Variants in SCFD2 observed in about 807,000 individuals in gnomAD.
SCFD2 encodes sec1 family domain containing 2.
In SCFD2, 54 loss-of-function variants were observed where a neutral mutation model predicts 58.9. The observed-to-expected ratio is 0.92, with a 90% CI of 0.74 to 1.15. The LOEUF is 1.15. SCFD2 is among the 50% of genes most tolerant of loss of function. SCFD2 has a pLI of 0.00. For missense variants in SCFD2, 805 were observed against 836.6 expected (o/e 0.96, Z 0.47); for synonymous variants, 321 against 335.9 (o/e 0.96, Z 0.49).
chr4:53,060,686 A>G (rs1723484212), intron 5 of SCFD2, among the ~76,000 whole-genome samples: 1 of 152,142 alleles, frequency 6.6e-6, no homozygotes, highest in Non-Finnish European at 1.5e-5. Flanking sequence ...AAAAATAGAG[A>G]ACAATGCCAC....
At chr4:52,884,105 C>T (rs561884608) in intron 8 of SCFD2, among the ~76,000 whole-genome samples, 1 of 152,340 alleles carries the variant, frequency 6.6e-6, no homozygotes, top group African/African-American at 2.4e-5. Flanking sequence ...CCATGTGCTC[C>T]AGCCTGGAAA....
At chr4:53,334,899 T>C (rs1733627013) in intron 2 of SCFD2, among the ~76,000 whole-genome samples, 1 of 152,116 alleles carries the variant, frequency 6.6e-6, no homozygotes, top group African/African-American at 2.4e-5. Flanking sequence ...TTCCACCTGA[T>C]GGGATGCAAT....
At chr4:53,312,507 C>A (rs1032593216) in intron 3 of SCFD2, among the ~76,000 whole-genome samples, 17 of 152,134 alleles carry the variant, frequency 1.1e-4, no homozygotes, top group African/African-American at 3.9e-4. Flanking sequence ...ACCTAGCATA[C>A]TGTAAGTTCT....
intron 5 of SCFD2, among the ~76,000 whole-genome samples, chr4:53,003,459 G>C (rs1199420921): frequency 6.6e-6 from 1 of 152,162 alleles, no homozygotes; most frequent in Non-Finnish European, 1.5e-5. Context: ...ATCATACTGG[G>C]TAATGCAGAT....
intron 4 of SCFD2, among the ~76,000 whole-genome samples, chr4:53,254,227 C>CA (rs1730512616): frequency 6.6e-6 from 1 of 152,158 alleles, no homozygotes; most frequent in Non-Finnish European, 1.5e-5. Flanking sequence ...CCTCACGTGT[C>CA]AAAAGCAGGA....
chr4:53,331,151 AC>A, intron 2 of SCFD2, among the ~76,000 whole-genome samples: 2 of 151,980 alleles, frequency 1.3e-5, no homozygotes, highest in African/African-American at 2.4e-5. Context: ...ATAATGGGAG[AC>A]TGTAACACCC....
chr4:53,255,201 A>C (rs1319754459), intron 4 of SCFD2, among the ~76,000 whole-genome samples: 1 of 146,914 alleles, frequency 6.8e-6, no homozygotes, highest in Non-Finnish European at 1.5e-5. Context: ...TTTCTTTTTT[A>C]TTTATTTATT....
At chr4:53,126,401 C>T (rs766402496) in intron 5 of SCFD2, among the ~76,000 whole-genome samples, 16 of 152,134 alleles carry the variant, frequency 1.1e-4, no homozygotes, top group South Asian at 2.1e-4. Flanking sequence ...CTGCAAACTC[C>T]GCCTCCTGGA....
chr4:53,096,088 A>T (rs1343434136), intron 5 of SCFD2, among the ~76,000 whole-genome samples: 1 of 152,168 alleles, frequency 6.6e-6, no homozygotes, highest in East Asian at 1.9e-4. Context: ...CATGGTGTAT[A>T]TGTGCCACAT....
intron 3 of SCFD2, among the ~76,000 whole-genome samples, chr4:53,280,437 G>C (rs1262969213): frequency 6.6e-6 from 1 of 151,936 alleles, no homozygotes; most frequent in African/African-American, 2.4e-5. Flanking sequence ...AATTACCTGA[G>C]CCCAGGAGAC....
intron 3 of SCFD2, among the ~76,000 whole-genome samples, chr4:53,300,562 T>C (rs1732242931): frequency 6.6e-6 from 1 of 152,022 alleles, no homozygotes; most frequent in African/African-American, 2.4e-5. Context: ...TTAACAAGGA[T>C]ACCCAGGAAT....
At chr4:52,966,122 A>G (rs571737527) in intron 5 of SCFD2, among the ~76,000 whole-genome samples, 2 of 152,306 alleles carry the variant, frequency 1.3e-5, no homozygotes, top group East Asian at 1.9e-4. Context: ...ATTTATGGAG[A>G]CACACCAGGC....
intron 3 of SCFD2, among the ~76,000 whole-genome samples, chr4:53,311,371 A>AT (rs113941658): frequency 6.7e-5 from 10 of 149,210 alleles, no homozygotes; most frequent in East Asian, 2.0e-4. Flanking sequence ...CTTAAAAAAA[A>AT]TTTTTTTTTT....
intron 5 of SCFD2, among the ~76,000 whole-genome samples, chr4:52,985,602 AC>A (rs1030150512): frequency 6.7e-6 from 1 of 148,792 alleles, no homozygotes; most frequent in Non-Finnish European, 1.5e-5. Context: ...AAGAAATCAC[AC>A]CCCCAGACGT....
chr4:53,265,330 T>C (rs1011772928), intron 4 of SCFD2: 9 of 152,210 alleles, frequency 5.9e-5, no homozygotes, highest in Non-Finnish European at 1.2e-4. Flanking sequence ...ATGTTTATTA[T>C]TATTATTACC....
chr4:52,910,892 C>T lies in SCFD2; in HGVS notation c.1708-3301G>A, dbSNP rs185228639. On this transcript the variant is annotated intron_variant, in intron 6 of 8. Coordinates refer to ENST00000401642, the MANE Select transcript of SCFD2 (RefSeq NM_152540.4). ...CCTGATGCTGCTGTGAAGAAGAGCA[C>T]GTTTGCTTCCCCTTCTGCCATGATT... Among the ~76,000 whole-genome samples, 489 of 152,216 alleles carry T rather than the reference C, an allele frequency of 3.2e-3. 3 individuals are homozygous for T. The highest frequency in any genetic ancestry group is 0.011 in the African/African-American group (473 of 41,536).
chr4:53,217,869 C>G (rs1348180415), intron 4 of SCFD2, among the ~76,000 whole-genome samples: 1 of 152,168 alleles, frequency 6.6e-6, no homozygotes, highest in African/African-American at 2.4e-5. Flanking sequence ...ATTTGCTTGT[C>G]TGTAAAGGAT....
At chr4:53,155,976 C>G (rs956643631) in intron 4 of SCFD2, among the ~76,000 whole-genome samples, 4 of 152,192 alleles carry the variant, frequency 2.6e-5, no homozygotes, top group African/African-American at 9.7e-5. Context: ...GGTAACAACA[C>G]AGATAAAGGC....
rs185339459 is a variant in SCFD2 at position 53,171,084 on chromosome 4, A to C, written c.1312-25502T>G. Among the ~76,000 whole-genome samples the C allele has an allele frequency of 3.1e-3, 477 of 152,272 alleles. 2 individuals carry two copies. The highest frequency in any genetic ancestry group is 3.8e-3 in the Non-Finnish European group (260 of 68,002). On this transcript the variant is annotated intron_variant, in intron 4 of 8. Coordinates refer to ENST00000401642, the MANE Select transcript of SCFD2 (RefSeq NM_152540.4). Reference sequence around the variant, plus strand: ...TGCTAAATAGAAGTGGTGACTGTGTATATCCTTGTCTTGTTCCTGACCTTA... The same window carrying C: ...TGCTAAATAGAAGTGGTGACTGTGTCTATCCTTGTCTTGTTCCTGACCTTA...
Sources: allele counts gnomAD v4.1 joint callset (sites outside exome capture counted in the v4.1 genomes callset), GRCh38; gene constraint gnomAD v4.1.1; transcripts MANE v1.5; gene names NCBI Gene and HGNC (gene_info 2026-07-23, HGNC 2026-07-21).